PRELID2: variants seen among roughly 807,000 people sequenced by gnomAD.
The protein encoded by PRELID2 is PRELI domain-containing protein 2.
PRELID2 carries 25 observed loss-of-function variants against 28.4 expected under a neutral mutation model. The observed-to-expected ratio is 0.88, with a 90% CI of 0.64 to 1.23. The LOEUF is 1.23. PRELID2 is among the 50% of genes most tolerant of loss of function. The pLI, the probability that PRELID2 is intolerant of heterozygous loss-of-function variation, is 0.00. For missense variants in PRELID2, 201 were observed against 214.4 expected (o/e 0.94, Z 0.39); for synonymous variants, 76 against 71.6 (o/e 1.06, Z -0.31).
At chr5:145,537,921 AC>A (rs1752713523) in intron 1 of PRELID2, among the ~76,000 whole-genome samples, 1 of 151,802 alleles carries the variant, frequency 6.6e-6, no homozygotes, top group Non-Finnish European at 1.5e-5. Flanking sequence ...CCAGCCCAAT[AC>A]CACAGAGCAT....
At chr5:145,541,339 C>G (rs1179517513) in intron 1 of PRELID2, among the ~76,000 whole-genome samples, 1 of 151,950 alleles carries the variant, frequency 6.6e-6, no homozygotes, top group Admixed American at 6.6e-5. Context: ...ATCCTTATAG[C>G]AACATTATAA....
chr5:145,602,721 G>A (rs1034435164), intron 1 of PRELID2, among the ~76,000 whole-genome samples: 6 of 151,898 alleles, frequency 4.0e-5, no homozygotes, highest in African/African-American at 1.5e-4. Flanking sequence ...GAACTCAATG[G>A]ATAGGTTTAA....
At chr5:145,616,267 T>A (rs1753696484) in intron 1 of PRELID2, among the ~76,000 whole-genome samples, 1 of 152,208 alleles carries the variant, frequency 6.6e-6, no homozygotes, top group African/African-American at 2.4e-5. Context: ...TTGTGCTTCT[T>A]GTATTTGGAT....
At chr5:145,708,179 G>A (rs577284520) in intron 1 of PRELID2, among the ~76,000 whole-genome samples, 316 of 151,992 alleles carry the variant, frequency 2.1e-3, no homozygotes, top group Non-Finnish European at 3.4e-3. Context: ...CATCCAACTG[G>A]AACATCCCTG....
the PRELID2 span, among the ~76,000 whole-genome samples, chr5:145,238,627 T>C: frequency 6.6e-6 from 1 of 152,102 alleles, no homozygotes; most frequent in African/African-American, 2.4e-5. Flanking sequence ...CAAACCCTTT[T>C]CAAAATTCAC....
the PRELID2 span, chr5:145,450,635 T>A: frequency 1.3e-5 from 2 of 152,118 alleles, no homozygotes. Flanking sequence ...CTGAATTTGG[T>A]TTACTGTTTG....
chr5:145,570,194 A>T (rs1488329901), intron 1 of PRELID2, among the ~76,000 whole-genome samples: 1 of 152,166 alleles, frequency 6.6e-6, no homozygotes, highest in Non-Finnish European at 1.5e-5. Context: ...ACCTCATCTT[A>T]ACTAGATTAC....
the PRELID2 span, among the ~76,000 whole-genome samples, chr5:145,303,175 G>T: frequency 6.6e-6 from 1 of 152,136 alleles, no homozygotes; most frequent in Non-Finnish European, 1.5e-5. Context: ...CATTTGTAAA[G>T]CACCCCAAAA....
At chr5:145,650,531 C>CATATATATATATATATATAT (rs56324486) in intron 1 of PRELID2, among the ~76,000 whole-genome samples, 1 of 68,714 alleles carries the variant, frequency 1.5e-5, no homozygotes, top group Non-Finnish European at 2.7e-5. Context: ...CACATATATA[C>CATATATATATATATATATAT]ATATATATAT....
intron 3 of PRELID2, among the ~76,000 whole-genome samples, chr5:145,818,452 G>C (rs565693014): frequency 2.6e-5 from 4 of 152,228 alleles, no homozygotes; most frequent in African/African-American, 9.6e-5. Context: ...TTTAAACTCT[G>C]TCCAATACCT....
chr5:145,416,727 C>G, the PRELID2 span, among the ~76,000 whole-genome samples: 1 of 152,012 alleles, frequency 6.6e-6, no homozygotes, highest in African/African-American at 2.4e-5. Context: ...CCTAACATCA[C>G]AGCTAAAAGA....
intron 1 of PRELID2, among the ~76,000 whole-genome samples, chr5:145,649,108 G>T (rs556688736): frequency 7.2e-5 from 11 of 151,990 alleles, no homozygotes; most frequent in African/African-American, 2.4e-4. Flanking sequence ...AAAAGAGAAG[G>T]CAAAAATAAA....
At chr5:145,531,446 A>G (rs1046930384) in intron 1 of PRELID2, among the ~76,000 whole-genome samples, 1 of 152,166 alleles carries the variant, frequency 6.6e-6, no homozygotes, top group African/African-American at 2.4e-5. Context: ...AAAGGGTGAA[A>G]GTTAAGAACT....
the PRELID2 span, among the ~76,000 whole-genome samples, chr5:145,367,132 G>A: frequency 6.7e-6 from 1 of 148,978 alleles, no homozygotes; most frequent in Non-Finnish European, 1.5e-5. Flanking sequence ...ATTGTCATAT[G>A]ATTCTTTTCT....
the PRELID2 span, among the ~76,000 whole-genome samples, chr5:145,434,867 T>C: frequency 1.3e-5 from 2 of 152,182 alleles, no homozygotes; most frequent in African/African-American, 4.8e-5. Context: ...GCAAACACTA[T>C]TCTGAGCTAG....
At chr5:145,337,667 G>T in the PRELID2 span, among the ~76,000 whole-genome samples, 1 of 110,146 alleles carries the variant, frequency 9.1e-6, no homozygotes, top group Non-Finnish European at 1.9e-5. Flanking sequence ...ACAGCCACAG[G>T]AAATAGATGC....
At chr5:145,404,700 C>G in the PRELID2 span, among the ~76,000 whole-genome samples, 5 of 152,256 alleles carry the variant, frequency 3.3e-5, no homozygotes, top group South Asian at 4.2e-4. Context: ...TGAAGATTAA[C>G]TGATATTGGG....
At chr5:145,258,547 C>A in the PRELID2 span, among the ~76,000 whole-genome samples, 1 of 152,122 alleles carries the variant, frequency 6.6e-6, no homozygotes, top group Non-Finnish European at 1.5e-5. Flanking sequence ...ATAGGTGGAA[C>A]TTTTACCTCA....
intron 2 of PRELID2, among the ~76,000 whole-genome samples, chr5:145,822,023 T>G (rs1561651072): frequency 6.6e-6 from 1 of 152,172 alleles, no homozygotes; most frequent in East Asian, 1.9e-4. Flanking sequence ...TATATGGTTA[T>G]AGAATTACAG....
Sources: allele counts gnomAD v4.1 joint callset (sites outside exome capture counted in the v4.1 genomes callset), GRCh38; gene constraint gnomAD v4.1.1; transcripts MANE v1.5; gene names NCBI Gene and HGNC (gene_info 2026-07-23, HGNC 2026-07-21).